The following AKAP7 variants were observed in gnomAD, a reference collection of about 807,000 sequenced individuals.
AKAP7 encodes A-kinase anchoring protein 7.
A neutral mutation model predicts 39.5 loss-of-function variants in AKAP7; 39 were observed. The ratio of observed to expected loss-of-function variants is 0.99; its 90% CI spans 0.76 to 1.29. AKAP7 has a LOEUF of 1.29. Among genes scored for constraint, AKAP7 ranks in the 50% most tolerant of loss-of-function variants. AKAP7 has a pLI of 0.00. For missense variants in AKAP7, 414 were observed against 407.7 expected, an observed-to-expected ratio of 1.02 and a Z score of -0.13; for synonymous variants, 140 against 139.1, an observed-to-expected ratio of 1.01 and a Z score of -0.05.
chr6:131,258,066 C>T (rs1813009638), intron 7 of AKAP7, among the ~76,000 whole-genome samples: 1 of 152,052 alleles, frequency 6.6e-6, no homozygotes, highest in African/African-American at 2.4e-5. Context: ...ATTACCAAAC[C>T]TAGTGAAGAA....
intron 7 of AKAP7, chr6:131,250,457 T>G: frequency 6.3e-7 from 1 of 1,577,910 alleles, no homozygotes; most frequent in East Asian, 2.3e-5. Context: ...CCTGTGCTGC[T>G]CCGTGGAGTG....
intron 5 of AKAP7, among the ~76,000 whole-genome samples, chr6:131,177,620 A>G (rs557194962): frequency 4.6e-5 from 7 of 152,336 alleles, no homozygotes; most frequent in South Asian, 2.1e-4. Flanking sequence ...TCAAATTTCA[A>G]CATGAGTTTT....
At chr6:131,169,413 T>TA (rs1383846928) in intron 5 of AKAP7, 140 bp downstream of exon 5, 4 of 951,736 alleles carry the variant, frequency 4.2e-6, no homozygotes, top group Non-Finnish European at 6.4e-6. Context: ...GTCCCAATCA[T>TA]AAGTCTGAAG....
Position 131,281,462 on chromosome 6 carries a change from G to T in AKAP7, c.851-68G>T, listed in dbSNP as rs116389245. The T allele has an allele frequency of 3.0e-3, 3,921 of 1,297,520 alleles. 79 individuals carry two copies. In the African/African-American group the frequency reaches 0.049, roughly 16 times the overall value. The allele number at this position is 1,297,520 out of a possible 1,614,324, so 80.4% of individuals were successfully genotyped here. A position where few individuals can be genotyped will look rare whatever the true frequency, so the allele number is the denominator to read the frequency against. On this transcript the variant is annotated intron_variant, in intron 7 of 7. Coordinates refer to ENST00000431975, the MANE Select transcript of AKAP7 (RefSeq NM_016377.4). This position sits in a 1 kb window ranked among gnomAD's most constrained non-coding sequence, Gnocchi z 4.0. ...TCTTTTTAACCAATGGAACTAGCCG[G>T]CCCCTGCATGCCAAGTTTCTATGGC...
chr6:131,156,385 G>A (rs757718943), intron 2 of AKAP7, among the ~76,000 whole-genome samples: 9 of 152,066 alleles, frequency 5.9e-5, no homozygotes, highest in Non-Finnish European at 1.2e-4. Context: ...TGCCTGTAAT[G>A]CCAGCATGTT....
intron 5 of AKAP7, among the ~76,000 whole-genome samples, chr6:131,190,645 GAA>G (rs761012580): frequency 3.8e-5 from 5 of 130,304 alleles, no homozygotes; most frequent in Admixed American, 1.6e-4. Flanking sequence ...ATTCTGTCTT[GAA>G]AAAAAAAAAA....
rs143649573 is a variant in AKAP7, at chr6:131,148,089, C to T, written c.151+2673C>T. On this transcript the variant is annotated intron_variant, in intron 2 of 7. Coordinates refer to ENST00000431975, the MANE Select transcript of AKAP7 (RefSeq NM_016377.4). ...GCTCTGAAAGCAACAGCTGTTTCCT[C>T]AGAGGATGTGCATTGGAGGGATGGC... 4.0e-3 allele frequency among the ~76,000 whole-genome samples: 611 copies of T among 152,308 alleles called. 6 individuals are homozygous for T. Among genetic ancestry groups the T allele is most frequent in the African/African-American group, 0.014 (588 of 41,564 alleles).
At position 131,135,628 on chromosome 6, in the gene AKAP7, G is replaced by A. The variant is rs927879267; in HGVS notation, c.-136G>A. ...CCCCCGCAGCCTGTCGCTGGACCCC[G>A]CGCCGGCCCAGCGCACCGCCCTCAG... On this transcript the variant is annotated 5_prime_UTR_variant, in exon 1 of 8. Coordinates refer to ENST00000431975, the MANE Select transcript of AKAP7 (RefSeq NM_016377.4). The A allele has an allele frequency of 5.1e-6, 4 of 787,516 alleles. No individual in the cohort carries two copies. The highest frequency in any genetic ancestry group is 6.1e-5 in the Admixed American group (1 of 16,352). The allele number at this position is 787,516 out of a possible 1,614,324, so 48.8% of individuals were successfully genotyped here.
At position 131,198,537 on chromosome 6, in the gene AKAP7, G is replaced by A. The variant is rs1414056517; in HGVS notation, c.590-924G>A. Among the ~76,000 whole-genome samples, 3 of 152,120 alleles carry A rather than the reference G, an allele frequency of 2.0e-5. No individual in the cohort carries two copies. The South Asian group carries it at 6.2e-4, about 32-fold the overall frequency. On this transcript the variant is annotated intron_variant, in intron 5 of 7. Coordinates refer to ENST00000431975, the MANE Select transcript of AKAP7 (RefSeq NM_016377.4). ...CCTTGCTTCTAAGATTTCCTAGGTG[G>A]TACTAAAAGAGTACCAGTCCAGAGT...
intron 1 of AKAP7, among the ~76,000 whole-genome samples, chr6:131,140,341 C>T (rs965302584): frequency 1.3e-5 from 2 of 152,088 alleles, no homozygotes; most frequent in African/African-American, 2.4e-5. Context: ...GTGTGATTCT[C>T]TCTTTGGTAT....
intron 5 of AKAP7, among the ~76,000 whole-genome samples, chr6:131,179,361 A>T (rs1177688129): frequency 1.3e-5 from 2 of 152,036 alleles, no homozygotes; most frequent in Non-Finnish European, 2.9e-5. Flanking sequence ...TATAGTAGAG[A>T]CGGAGTTTCT....
intron 6 of AKAP7, among the ~76,000 whole-genome samples, chr6:131,208,929 A>G (rs544485919): frequency 3.9e-5 from 6 of 152,332 alleles, no homozygotes; most frequent in East Asian, 1.9e-4. Context: ...ATTTCTGATC[A>G]TATTTTATTG....
intron 6 of AKAP7, among the ~76,000 whole-genome samples, chr6:131,207,491 A>ATAT (rs1554211848): frequency 1.3e-5 from 1 of 78,806 alleles, no homozygotes; most frequent in African/African-American, 5.0e-5. Flanking sequence ...GCTAATTAAA[A>ATAT]TTTTTTTTTT....
chr6:131,151,985 A>G (rs868461019), intron 2 of AKAP7, among the ~76,000 whole-genome samples: 2 of 152,232 alleles, frequency 1.3e-5, no homozygotes, highest in Non-Finnish European at 2.9e-5. Context: ...TTTTTGAGGG[A>G]ATAAATAGAA....
chr6:131,139,249 A>T (rs558241803), intron 1 of AKAP7, among the ~76,000 whole-genome samples: 28 of 152,210 alleles, frequency 1.8e-4, no homozygotes, highest in Non-Finnish European at 3.8e-4. Context: ...TTCAAGACTT[A>T]TTTGAAAGTG....
At chr6:131,205,502 A>G (rs1808009275) in intron 6 of AKAP7, among the ~76,000 whole-genome samples, 2 of 152,124 alleles carry the variant, frequency 1.3e-5, no homozygotes, top group South Asian at 4.1e-4. Context: ...ATGTAGTAGT[A>G]GTAACCAAAA....
At chr6:131,160,325 C>T in intron 3 of AKAP7, 127 bp downstream of exon 3, 1 of 904,094 alleles carries the variant, frequency 1.1e-6, no homozygotes, top group East Asian at 2.6e-5. Flanking sequence ...CAGGACTGTC[C>T]AGGGAATATT....
At chr6:131,170,728 T>C (rs1803968339) in intron 5 of AKAP7, among the ~76,000 whole-genome samples, 2 of 152,240 alleles carry the variant, frequency 1.3e-5, no homozygotes. Context: ...TCTTAAGATA[T>C]TTGTGATAAA....
chr6:131,206,861 C>A (rs1208534942), intron 6 of AKAP7, among the ~76,000 whole-genome samples: 1 of 152,062 alleles, frequency 6.6e-6, no homozygotes, highest in African/African-American at 2.4e-5. Context: ...AGTTTGACTG[C>A]CACTCACTTT....
Sources: allele counts gnomAD v4.1 joint callset (sites outside exome capture counted in the v4.1 genomes callset), GRCh38; gene constraint gnomAD v4.1.1; non-coding constraint Gnocchi (gnomAD v3.1); transcripts MANE v1.5; gene names NCBI Gene and HGNC (gene_info 2026-07-23, HGNC 2026-07-21).